SLC16A12: variants seen among roughly 807,000 people sequenced by gnomAD.
The protein encoded by SLC16A12 is monocarboxylate transporter 12.
In SLC16A12, 17 loss-of-function variants were observed where a neutral mutation model predicts 42.4. That is an observed-to-expected ratio of 0.40 (90% confidence interval 0.27 to 0.60). SLC16A12 has a LOEUF of 0.60. SLC16A12 is among the 20% of genes least tolerant of loss of function. SLC16A12 has a pLI of 0.42. For missense variants in SLC16A12, 544 were observed against 623.0 expected (o/e 0.87, Z 1.35); for synonymous variants, 224 against 229.4 (o/e 0.98, Z 0.21).
At chr10:89,460,956 A>G (rs1374225798) in intron 3 of SLC16A12, among the ~76,000 whole-genome samples, 2 of 152,194 alleles carry the variant, frequency 1.3e-5, no homozygotes, top group African/African-American at 4.8e-5. Context: ...AAAGATAAAC[A>G]TCTTATTCTA....
rs935443265 is a variant in SLC16A12 at position 89,432,355 on chromosome 10, T to C, written c.*709A>G. 2 of 152,202 alleles carry C rather than the reference T, an allele frequency of 1.3e-5. No homozygotes were observed. The highest frequency in any genetic ancestry group is 2.9e-5 in the Non-Finnish European group (2 of 68,036). The allele number at this position is 152,202 out of a possible 1,614,324, so 9.4% of individuals were successfully genotyped here. A position where few individuals can be genotyped will look rare whatever the true frequency, so the allele number is the denominator to read the frequency against. ...TCGGTTTCCAGTGGACAATTTCAAA[T>C]GGATCTTACCAGATGCCCTTTAAGA... On this transcript the variant is annotated 3_prime_UTR_variant, in exon 8 of 8. Coordinates refer to ENST00000371790, the MANE Select transcript of SLC16A12 (RefSeq NM_213606.4).
Position 89,472,209 on chromosome 10 carries a change from A to G in SLC16A12, c.-46-9585T>C, listed in dbSNP as rs562096488. Among the ~76,000 whole-genome samples the G allele has an allele frequency of 1.7e-4, 26 of 152,270 alleles. 1 individual carries two copies. Among genetic ancestry groups the G allele is most frequent in the Admixed American group, 4.6e-4 (7 of 15,302 alleles). ...ATAATTAGAAATTAAAAAGTTTTAAATACCACTTTACAGTAGCTTCAAAAA... is the reference window on the plus strand; with the variant it reads ...ATAATTAGAAATTAAAAAGTTTTAAGTACCACTTTACAGTAGCTTCAAAAA... On this transcript the variant is annotated intron_variant, in intron 2 of 7. Transcript: ENST00000371790.
At chr10:89,449,367 G>C (rs1842055469) in intron 3 of SLC16A12, among the ~76,000 whole-genome samples, 1 of 152,136 alleles carries the variant, frequency 6.6e-6, no homozygotes, top group South Asian at 2.1e-4. Context: ...GTACTACAAG[G>C]CTACAGTAAC....
chr10:89,438,507 A>G (rs904023445), intron 6 of SLC16A12, 97 bp downstream of exon 6: 19 of 1,106,754 alleles, frequency 1.7e-5, no homozygotes. Flanking sequence ...TGTTAACATT[A>G]TTCAGACCTA....
intron 5 of SLC16A12, 139 bp downstream of exon 5, chr10:89,440,969 G>T (rs1841898733): frequency 9.9e-7 from 1 of 1,011,956 alleles, no homozygotes; most frequent in Non-Finnish European, 1.5e-6. Context: ...CTGTTTAACT[G>T]CTAGGTAGGT....
chr10:89,536,636 G>C (rs768457292), upstream of SLC16A12, among the ~76,000 whole-genome samples: 18 of 152,068 alleles, frequency 1.2e-4, no homozygotes, highest in East Asian at 1.2e-3. Flanking sequence ...AACTGACAAG[G>C]TCTGGTTCCA....
chr10:89,493,974 C>G (rs1299202135), intron 2 of SLC16A12, among the ~76,000 whole-genome samples: 1 of 140,642 alleles, frequency 7.1e-6, no homozygotes, highest in Admixed American at 7.0e-5. Flanking sequence ...GATTGTGAGC[C>G]ACAATACATA....
intron 2 of SLC16A12, among the ~76,000 whole-genome samples, chr10:89,546,841 T>C (rs1039249332): frequency 2.6e-5 from 4 of 152,234 alleles, no homozygotes; most frequent in Admixed American, 2.6e-4. Context: ...CACCATGGAA[T>C]ACTATGCAGC....
chr10:89,473,660 G>A (rs890676585), intron 2 of SLC16A12, among the ~76,000 whole-genome samples: 10 of 151,976 alleles, frequency 6.6e-5, no homozygotes, highest in Admixed American at 1.3e-4. Context: ...CAACCCTACC[G>A]CAACTCACTA....
chr10:89,452,603 C>T (rs1842112186), intron 3 of SLC16A12, among the ~76,000 whole-genome samples: 1 of 152,090 alleles, frequency 6.6e-6, no homozygotes. Context: ...TTTCATTTTG[C>T]ACTGGGCCCT....
Position 89,462,619 on chromosome 10 carries a change from C to A in SLC16A12, c.-41G>T, listed in dbSNP as rs759658029. 2 of 1,552,008 alleles carry A rather than the reference C, an allele frequency of 1.3e-6. No individual in the cohort carries two copies. Among genetic ancestry groups the A allele is most frequent in the African/African-American group, 2.7e-5 (2 of 73,002 alleles). On this transcript the variant is annotated 5_prime_UTR_variant, in exon 3 of 8. Coordinates refer to ENST00000371790, the MANE Select transcript of SLC16A12 (RefSeq NM_213606.4). ...AACGCTACCTGGCCCATGGGTTACTCGCCATCTAAAACCAAAAATCAGGAC... is the reference window on the plus strand; with the variant it reads ...AACGCTACCTGGCCCATGGGTTACTAGCCATCTAAAACCAAAAATCAGGAC...
rs145592640 is a variant in SLC16A12 at position 89,475,886 on chromosome 10, A to G, written c.-46-13262T>C. 5.8e-3 allele frequency among the ~76,000 whole-genome samples: 883 copies of G among 152,328 alleles called. 13 individuals carry two copies. The highest frequency in any genetic ancestry group is 8.6e-3 in the Admixed American group (131 of 15,298). ...TACGAGGCAGACAGTAGAAAGCAAA[A>G]TTCTTTCCCACCCTTTCAGTTCCTA... On this transcript the variant is annotated intron_variant, in intron 2 of 7. Transcript: ENST00000371790.
chr10:89,450,012 C>G (rs182142699), intron 3 of SLC16A12, among the ~76,000 whole-genome samples: 2 of 152,288 alleles, frequency 1.3e-5, no homozygotes, highest in African/African-American at 4.8e-5. Flanking sequence ...TGAAAAAATG[C>G]TCATCATCAC....
intron 2 of SLC16A12, among the ~76,000 whole-genome samples, chr10:89,530,746 T>C (rs1843538083): frequency 6.6e-6 from 1 of 152,160 alleles, no homozygotes; most frequent in Non-Finnish European, 1.5e-5. Flanking sequence ...TACAATGTTG[T>C]GCAACCACCA....
intron 3 of SLC16A12, among the ~76,000 whole-genome samples, chr10:89,444,310 A>G (rs4244984): frequency 0.36 from 54,569 of 151,950 alleles, 10,111 homozygotes; most frequent in African/African-American, 0.44. Flanking sequence ...TGGAGAACTA[A>G]TTTAGTCTAT....
At chr10:89,445,735 A>T (rs1200460197) in intron 3 of SLC16A12, among the ~76,000 whole-genome samples, 2 of 152,218 alleles carry the variant, frequency 1.3e-5, no homozygotes, top group Non-Finnish European at 2.9e-5. Flanking sequence ...GCGACAGAAC[A>T]AAGCTGGACG....
chr10:89,462,747 C>CTCA, intron 2 of SLC16A12, 123 bp from the exon 3 acceptor site: 2 of 1,103,172 alleles, frequency 1.8e-6, no homozygotes, highest in Non-Finnish European at 2.5e-6. Context: ...ACTATGAATA[C>CTCA]TAGACTGGGG....
rs766789035 is a variant in SLC16A12 at position 89,546,545 on chromosome 10, G to A, written c.-47+9337C>T. On this transcript the variant is annotated intron_variant, in intron 2 of 2. Transcript: ENST00000475682. ...AAGTCAGGAAACAATAGATGCTGGC[G>A]AGGCTGTGGAGAAATAGGAACACTT... Among the ~76,000 whole-genome samples the A allele has an allele frequency of 6.9e-4, 105 of 152,206 alleles. 2 individuals are homozygous for A. The highest frequency in any genetic ancestry group is 1.9e-3 in the African/African-American group (80 of 41,452).
intron 2 of SLC16A12, among the ~76,000 whole-genome samples, chr10:89,512,083 G>A (rs193099644): frequency 2.0e-5 from 3 of 152,276 alleles, no homozygotes; most frequent in South Asian, 2.1e-4. Flanking sequence ...TTCCACTTAC[G>A]TGAGGTCCTT....
Sources: allele counts gnomAD v4.1 joint callset (sites outside exome capture counted in the v4.1 genomes callset), GRCh38; gene constraint gnomAD v4.1.1; transcripts MANE v1.5; gene names NCBI Gene and HGNC (gene_info 2026-07-23, HGNC 2026-07-21).